The following RARB variants were observed in gnomAD, a reference collection of about 807,000 sequenced individuals.
RARB encodes retinoic acid receptor beta.
RARB carries 17 observed loss-of-function variants against 51.9 expected under a neutral mutation model. The observed-to-expected ratio is 0.33, with a 90% CI of 0.22 to 0.49. The LOEUF (loss-of-function observed/expected upper bound fraction) is 0.49, where lower values mean the gene tolerates loss of function less well. Among genes scored for constraint, RARB ranks in the 20% least tolerant of loss-of-function variants. The pLI, the probability that RARB is intolerant of heterozygous loss-of-function variation, is 0.99. For synonymous variants in RARB, 215 were observed against 195.4 expected (o/e 1.10, Z -0.84); for missense variants, 369 against 550.8 (o/e 0.67, Z 3.30).
intron 5 of RARB, among the ~76,000 whole-genome samples, chr3:25,210,412 C>G (rs73147387): frequency 6.6e-6 from 1 of 151,936 alleles, no homozygotes; most frequent in East Asian, 1.9e-4. Context: ...ACAAGATTTT[C>G]TTGAAACCCA....
intron 5 of RARB, among the ~76,000 whole-genome samples, chr3:25,362,371 G>A (rs554165598): frequency 6.6e-6 from 1 of 152,212 alleles, no homozygotes; most frequent in African/African-American, 2.4e-5. Context: ...GTCAACTTCA[G>A]ACTGCTGTGC....
intron 5 of RARB, among the ~76,000 whole-genome samples, chr3:25,318,755 T>C (rs1416481653): frequency 1.3e-5 from 2 of 152,230 alleles, no homozygotes; most frequent in Non-Finnish European, 2.9e-5. Flanking sequence ...TTAGCAGAAT[T>C]GTAAGTGGCC....
At chr3:25,568,541 T>G (rs1700584404) in intron 3 of RARB, among the ~76,000 whole-genome samples, 1 of 152,082 alleles carries the variant, frequency 6.6e-6, no homozygotes, top group Non-Finnish European at 1.5e-5. Flanking sequence ...GCTCTTTCCT[T>G]TCACCACTTC....
intron 3 of RARB, among the ~76,000 whole-genome samples, chr3:25,063,682 G>C (rs762943614): frequency 6.6e-6 from 1 of 151,552 alleles, no homozygotes; most frequent in African/African-American, 2.4e-5. Context: ...AGGTTCAAAG[G>C]GGTCCGTAGA....
chr3:24,888,658 C>A, intron 2 of RARB, among the ~76,000 whole-genome samples: 1 of 152,054 alleles, frequency 6.6e-6, no homozygotes, highest in South Asian at 2.1e-4. Context: ...ATGTCCCTAG[C>A]ATAATGTTAG....
At chr3:24,966,806 T>G (rs1249357724) in intron 2 of RARB, among the ~76,000 whole-genome samples, 1 of 152,196 alleles carries the variant, frequency 6.6e-6, no homozygotes. Context: ...TCTTAAAATA[T>G]TCTATAGATA....
intron 5 of RARB, among the ~76,000 whole-genome samples, chr3:25,287,946 C>T (rs1703695591): frequency 6.6e-6 from 1 of 151,908 alleles, no homozygotes; most frequent in African/African-American, 2.4e-5. Flanking sequence ...ATTCAATATG[C>T]ATTATAAAGG....
intron 3 of RARB, among the ~76,000 whole-genome samples, chr3:25,100,861 G>A (rs958963852): frequency 6.6e-6 from 1 of 152,104 alleles, no homozygotes; most frequent in Non-Finnish European, 1.5e-5. Flanking sequence ...GGAAGTAGAG[G>A]AACTTGGATC....
intron 3 of RARB, among the ~76,000 whole-genome samples, chr3:25,077,472 T>C (rs1333989664): frequency 1.3e-5 from 2 of 152,160 alleles, no homozygotes; most frequent in Admixed American, 1.3e-4. Flanking sequence ...TTTGTATCTA[T>C]CGCAGTATAA....
chr3:24,904,085 T>C (rs922566842), intron 2 of RARB, among the ~76,000 whole-genome samples: 10 of 152,206 alleles, frequency 6.6e-5, no homozygotes, highest in African/African-American at 2.2e-4. Flanking sequence ...ATGTTAATTT[T>C]AGAAACAACA....
intron 5 of RARB, among the ~76,000 whole-genome samples, chr3:25,298,832 TC>T (rs1389562027): frequency 6.6e-6 from 1 of 152,152 alleles, no homozygotes; most frequent in East Asian, 1.9e-4. Flanking sequence ...TGCCCAATTG[TC>T]CAAGAACCCC....
At chr3:24,876,819 G>C (rs1402127434) in intron 2 of RARB, among the ~76,000 whole-genome samples, 1 of 152,094 alleles carries the variant, frequency 6.6e-6, no homozygotes, top group Admixed American at 6.6e-5. Context: ...GAAAAACAGA[G>C]TTTAGATAGT....
At chr3:25,259,003 T>A (rs1702933959) in intron 5 of RARB, 1 of 978,376 alleles carries the variant, frequency 1.0e-6, no homozygotes, top group Non-Finnish European at 1.2e-6. Flanking sequence ...CAAACCATAG[T>A]ATATGGTGTC....
At chr3:25,436,986 G>A (rs1708461563) in intron 1 of RARB, among the ~76,000 whole-genome samples, 1 of 152,144 alleles carries the variant, frequency 6.6e-6, no homozygotes, top group Non-Finnish European at 1.5e-5. Context: ...TGCAGGATCT[G>A]TAGAAGGATT....
intron 3 of RARB, among the ~76,000 whole-genome samples, chr3:25,505,069 G>A (rs1398457484): frequency 1.3e-5 from 2 of 152,044 alleles, no homozygotes; most frequent in Non-Finnish European, 1.5e-5. Context: ...GTGAGCCACC[G>A]CGCCTGGCCT....
At chr3:25,292,884 C>T (rs1296268591) in intron 5 of RARB, among the ~76,000 whole-genome samples, 1 of 152,200 alleles carries the variant, frequency 6.6e-6, no homozygotes, top group Non-Finnish European at 1.5e-5. Flanking sequence ...GCCTTAGTGT[C>T]AGCCTGAAAA....
At chr3:24,995,311 T>A (rs1361408040) in intron 2 of RARB, among the ~76,000 whole-genome samples, 2 of 152,020 alleles carry the variant, frequency 1.3e-5, no homozygotes, top group African/African-American at 2.4e-5. Context: ...ATAAAAACAT[T>A]TATGATTTTT....
intron 2 of RARB, among the ~76,000 whole-genome samples, chr3:24,946,886 G>T (rs1437625265): frequency 6.6e-6 from 1 of 152,036 alleles, no homozygotes; most frequent in Non-Finnish European, 1.5e-5. Context: ...ATAATAGCAA[G>T]GCTCATGGAA....
intron 5 of RARB, among the ~76,000 whole-genome samples, chr3:25,254,660 G>C (rs747421723): frequency 6.6e-6 from 1 of 152,134 alleles, no homozygotes; most frequent in African/African-American, 2.4e-5. Context: ...AGGCCTTGTG[G>C]GTGTTGCAGT....
Sources: gnomAD v4.1 joint callset for allele counts (sites outside exome capture counted in the v4.1 genomes callset) on GRCh38, gnomAD v4.1.1 for gene constraint, MANE v1.5 for transcripts, NCBI Gene and HGNC (gene_info 2026-07-23, HGNC 2026-07-21) for gene names.